Variants in ZSCAN25 observed in about 807,000 individuals in gnomAD.
ZSCAN25 encodes zinc finger and SCAN domain-containing protein 25.
ZSCAN25 carries 27 observed loss-of-function variants against 38.7 expected under a neutral mutation model. The observed-to-expected ratio is 0.70, with a 90% CI of 0.51 to 0.96. The LOEUF (loss-of-function observed/expected upper bound fraction) is 0.96, where lower values mean the gene tolerates loss of function less well. Ranked by LOEUF, ZSCAN25 falls within the 40% of genes least tolerant of loss-of-function variation. The pLI is 0.00. For missense variants in ZSCAN25, 637 were observed against 705.9 expected, an observed-to-expected ratio of 0.90 and a Z score of 1.11; for synonymous variants, 273 against 277.7, an observed-to-expected ratio of 0.98 and a Z score of 0.17.
At chr7:99,696,834 C>A in the ZSCAN25 span, among the ~76,000 whole-genome samples, 1 of 152,296 alleles carries the variant, frequency 6.6e-6, no homozygotes, top group East Asian at 1.9e-4. Flanking sequence ...GGTTTCACAC[C>A]AACCCCCTTT....
the ZSCAN25 span, chr7:99,638,551 G>A: frequency 1.3e-6 from 2 of 1,530,290 alleles, no homozygotes; most frequent in East Asian, 4.5e-5. Flanking sequence ...TGCCGCGAGA[G>A]CGCGGATCTT....
the ZSCAN25 span, among the ~76,000 whole-genome samples, chr7:99,678,342 T>A: frequency 6.6e-6 from 1 of 152,204 alleles, no homozygotes; most frequent in East Asian, 1.9e-4. Flanking sequence ...TGAGGAATAT[T>A]TTCTCACTTC....
At chr7:99,714,782 AC>A in the ZSCAN25 span, 3 of 1,552,018 alleles carry the variant, frequency 1.9e-6, no homozygotes, top group Non-Finnish European at 2.6e-6. Flanking sequence ...AGAGTGAAAT[AC>A]ATCAGTGTTC....
Position 99,630,378 on chromosome 7 carries a change from G to T in ZSCAN25, c.*358G>T. On this transcript the variant is annotated 3_prime_UTR_variant, in exon 8 of 8. Coordinates refer to ENST00000394152, the MANE Select transcript of ZSCAN25 (RefSeq NM_145115.3). ...GTAGCTGGGACCTCATCTTCCTGAG[G>T]GCTCTGTCTTGCCTGCAGGGTCATA... 6.6e-6 allele frequency: 7 copies of T among 1,061,912 alleles called. No homozygotes were observed. Among genetic ancestry groups the T allele is most frequent in the Non-Finnish European group, 8.0e-6 (7 of 878,298 alleles). The allele number at this position is 1,061,912 out of a possible 1,614,324, so 65.8% of individuals were successfully genotyped here.
At chr7:99,707,382 C>T in the ZSCAN25 span, among the ~76,000 whole-genome samples, 4 of 152,136 alleles carry the variant, frequency 2.6e-5, no homozygotes, top group Admixed American at 1.3e-4. Flanking sequence ...TTTTAAAGCT[C>T]CCTGGTGATT....
chr7:99,628,668 A>G (rs1264766525), intron 7 of ZSCAN25, among the ~76,000 whole-genome samples: 1 of 152,164 alleles, frequency 6.6e-6, no homozygotes, highest in Non-Finnish European at 1.5e-5. Context: ...AGATGAATGA[A>G]CCTGGTTAGG....
In ZSCAN25 at chr7:99,631,081, G is replaced by C; in HGVS notation, c.*1061G>C. 2.0e-6 allele frequency: 2 copies of C among 985,196 alleles called. No individual in the cohort carries two copies. Among genetic ancestry groups the C allele is most frequent in the Non-Finnish European group, 2.4e-6 (2 of 829,726 alleles). The allele number at this position is 985,196 out of a possible 1,614,324, so 61.0% of individuals were successfully genotyped here. The stretch of plus-strand genomic sequence containing the variant: ...GAATAAAATAGGGGGAGAAGCTGTT[G>C]ACCTCGTAGAGCTTATGTCTCGTGG... On this transcript the variant is annotated 3_prime_UTR_variant, in exon 8 of 8. Coordinates refer to ENST00000394152, the MANE Select transcript of ZSCAN25 (RefSeq NM_145115.3).
chr7:99,728,357 C>T, the ZSCAN25 span, among the ~76,000 whole-genome samples: 2 of 152,196 alleles, frequency 1.3e-5, no homozygotes, highest in Non-Finnish European at 2.9e-5. Flanking sequence ...ATTCCCCCTT[C>T]TTGTTTACTT....
At position 99,629,528 on chromosome 7, in the gene ZSCAN25, G is replaced by A. The variant is rs1807804478; in HGVS notation, c.1143G>A (p.Gly381=). ...AGTCTTATGGCTGTGTGGAGTGTGGGAAGGGCTTTACCCTGAGAGAATACC... is the reference window on the plus strand; with the variant it reads ...AGTCTTATGGCTGTGTGGAGTGTGGAAAGGGCTTTACCCTGAGAGAATACC... The part of the protein sequence containing the change: ...EEKSYGCVEC[G]KGFTLREYLM... The change falls in exon 8 of 8, where the codon GGG becomes GGA. Residue 381 remains glycine (G), a synonymous_variant. Transcript: ENST00000394152. The surrounding 1 kb of genome is among the most constrained non-coding windows in gnomAD (Gnocchi z 5.6). 5 of 1,614,206 alleles carry A rather than the reference G, an allele frequency of 3.1e-6. No individual in the cohort carries two copies. In the African/African-American group the frequency reaches 6.7e-5, roughly 22 times the overall value.
At chr7:99,618,845 G>A (rs1472669738) in intron 2 of ZSCAN25, among the ~76,000 whole-genome samples, 194 bp downstream of exon 2, 3 of 152,136 alleles carry the variant, frequency 2.0e-5, no homozygotes, top group African/African-American at 4.8e-5. Context: ...AGCTCTGCTC[G>A]TCACTGCTGA....
the ZSCAN25 span, chr7:99,717,477 C>T: frequency 2.5e-6 from 4 of 1,608,456 alleles, no homozygotes; most frequent in African/African-American, 2.7e-5. Context: ...CCTGTCCCCA[C>T]CTGATTCATT....
intron 2 of ZSCAN25, 60 bp downstream of exon 2, chr7:99,618,711 T>A (rs1487270284): frequency 6.6e-6 from 1 of 152,210 alleles, no homozygotes; most frequent in Non-Finnish European, 1.5e-5. Context: ...ACAGGCAGAA[T>A]GACTTTTATA....
At chr7:99,675,640 TCCTCCCCCCTCCCCTCCCCTCCCCTCC>T in the ZSCAN25 span, among the ~76,000 whole-genome samples, 2 of 16,334 alleles carry the variant, frequency 1.2e-4, no homozygotes, top group Non-Finnish European at 3.0e-4. Context: ...TCCTCTCCTC[TCCTCCCCCCTCCCCTCCCCTCCCCTCC>T]CCTCTCCTTC....
the ZSCAN25 span, chr7:99,674,345 G>A: frequency 2.1e-6 from 1 of 474,882 alleles, no homozygotes; most frequent in South Asian, 5.0e-5. Flanking sequence ...GTTTATAACG[G>A]CAAGCAGATT....
the ZSCAN25 span, among the ~76,000 whole-genome samples, chr7:99,698,560 A>C: frequency 6.6e-6 from 1 of 152,230 alleles, no homozygotes; most frequent in Non-Finnish European, 1.5e-5. Context: ...AGGTATTAAA[A>C]TAAACTGTCA....
chr7:99,682,125 TG>T, the ZSCAN25 span, among the ~76,000 whole-genome samples: 3 of 152,146 alleles, frequency 2.0e-5, no homozygotes, highest in African/African-American at 7.2e-5. Context: ...CGCACCAGCA[TG>T]TCCAGCTAAC....
At chr7:99,635,338 T>G (rs1808229595), downstream of ZSCAN25, among the ~76,000 whole-genome samples, 1 of 152,184 alleles carries the variant, frequency 6.6e-6, no homozygotes, top group Admixed American at 6.5e-5. Flanking sequence ...AGTTTATAAA[T>G]TCACATAAAT....
intron 6 of ZSCAN25, 59 bp downstream of exon 6, chr7:99,622,699 C>G (rs1267974508): frequency 3.3e-6 from 5 of 1,521,248 alleles, no homozygotes; most frequent in Non-Finnish European, 4.5e-6. Flanking sequence ...GGTTCACCTT[C>G]CCCAAGGTTT....
the ZSCAN25 span, among the ~76,000 whole-genome samples, chr7:99,694,849 G>C: frequency 6.6e-6 from 1 of 152,130 alleles, no homozygotes; most frequent in Non-Finnish European, 1.5e-5. Context: ...ATCAGACCAG[G>C]TTAGGCACAA....
Sources: gnomAD v4.1 joint callset for allele counts (sites outside exome capture counted in the v4.1 genomes callset) on GRCh38, gnomAD v4.1.1 for gene constraint, Gnocchi (gnomAD v3.1) non-coding constraint, MANE v1.5 for transcripts, NCBI Gene and HGNC (gene_info 2026-07-23, HGNC 2026-07-21) for gene names.